Variants in TRAPPC9 observed in about 807,000 individuals in gnomAD.
TRAPPC9 encodes IKK2 binding protein.
In TRAPPC9, 83 loss-of-function variants were observed where a neutral mutation model predicts 124.0. That is an observed-to-expected ratio of 0.67 (90% CI 0.56 to 0.80). TRAPPC9 has a LOEUF of 0.80. TRAPPC9 is among the 30% of genes least tolerant of loss of function. TRAPPC9 has a pLI of 0.00. For missense variants in TRAPPC9, 1,302 were observed against 1,508.3 expected (o/e 0.86, Z 2.27); for synonymous variants, 638 against 617.5 (o/e 1.03, Z -0.49).
chr8:139,730,467 C>T lies in TRAPPC9; in HGVS notation c.*594G>A, dbSNP rs1817748114. On this transcript the variant is annotated 3_prime_UTR_variant, in exon 23 of 23. Coordinates refer to ENST00000438773, the MANE Select transcript of TRAPPC9 (RefSeq NM_001160372.4). ...ACAGCCCTGGGCTGCCAGCCCAGGC[C>T]TGGACATTTGCCCACCACGGGTGGA... is the stretch of plus-strand genomic sequence containing the variant. 6.5e-6 allele frequency: 1 copy of T among 154,764 alleles called. No homozygotes were observed. The allele number at this position is 154,764 out of a possible 1,614,324, so 9.6% of individuals were successfully genotyped here.
At chr8:140,310,064 A>T (rs909112725) in intron 10 of TRAPPC9, among the ~76,000 whole-genome samples, 1 of 152,216 alleles carries the variant, frequency 6.6e-6, no homozygotes, top group Non-Finnish European at 1.5e-5. Flanking sequence ...AAAAGAAACC[A>T]TTTCATTTGG....
chr8:139,901,833 G>A (rs1194513052), intron 20 of TRAPPC9, among the ~76,000 whole-genome samples: 1 of 152,224 alleles, frequency 6.6e-6, no homozygotes, highest in Admixed American at 6.5e-5. Flanking sequence ...TACAGCAAGC[G>A]AGGTGACCTC....
chr8:139,777,310 T>C (rs760855960), intron 21 of TRAPPC9, among the ~76,000 whole-genome samples: 1 of 152,220 alleles, frequency 6.6e-6, no homozygotes, highest in Non-Finnish European at 1.5e-5. Context: ...GAATGAAGGA[T>C]AGAGAGCTTC....
At chr8:140,380,900 G>C (rs571215837) in intron 7 of TRAPPC9, among the ~76,000 whole-genome samples, 1 of 152,032 alleles carries the variant, frequency 6.6e-6, no homozygotes, top group African/African-American at 2.4e-5. Flanking sequence ...TGCTGCCAAG[G>C]ACACCATCAA....
intron 7 of TRAPPC9, among the ~76,000 whole-genome samples, chr8:140,396,073 CT>C (rs2069086773): frequency 6.6e-6 from 1 of 151,968 alleles, no homozygotes. Context: ...AATGGGCCCC[CT>C]CCCTTCCTCT....
chr8:139,978,562 C>CA (rs1836647958), intron 19 of TRAPPC9, among the ~76,000 whole-genome samples: 1 of 152,192 alleles, frequency 6.6e-6, no homozygotes, highest in Non-Finnish European at 1.5e-5. Flanking sequence ...GTAGGGATAA[C>CA]AGATGAGAAA....
intron 19 of TRAPPC9, among the ~76,000 whole-genome samples, chr8:139,945,588 T>G (rs1315187340): frequency 1.1e-5 from 1 of 92,220 alleles, no homozygotes; most frequent in African/African-American, 4.3e-5. Context: ...CAAAAAACAG[T>G]CAGTAAAGAC....
At chr8:140,248,867 A>G (rs1162093254) in intron 16 of TRAPPC9, among the ~76,000 whole-genome samples, 1 of 152,256 alleles carries the variant, frequency 6.6e-6, no homozygotes, top group African/African-American at 2.4e-5. Context: ...TGTTTCATTT[A>G]GAAACAATTT....
At chr8:139,763,691 G>A (rs943018198) in intron 21 of TRAPPC9, among the ~76,000 whole-genome samples, 33 of 152,324 alleles carry the variant, frequency 2.2e-4, no homozygotes, top group African/African-American at 7.2e-4. Context: ...CACACACGTC[G>A]ATCATTCAGG....
chr8:140,069,381 A>C (rs371728168), intron 17 of TRAPPC9, among the ~76,000 whole-genome samples: 1 of 152,158 alleles, frequency 6.6e-6, no homozygotes, highest in African/African-American at 2.4e-5. Context: ...GATCCACCTT[A>C]AACGGCGGGG....
intron 21 of TRAPPC9, among the ~76,000 whole-genome samples, chr8:139,832,566 C>A (rs1393722476): frequency 6.6e-6 from 1 of 152,172 alleles, no homozygotes; most frequent in African/African-American, 2.4e-5. Context: ...CTCAGCTTTG[C>A]CACCTTGAAC....
At chr8:140,001,214 ACAC>A (rs1477571835) in intron 18 of TRAPPC9, among the ~76,000 whole-genome samples, 1 of 152,124 alleles carries the variant, frequency 6.6e-6, no homozygotes, top group African/African-American at 2.4e-5. Flanking sequence ...GGAGAACATC[ACAC>A]ACCAGGGCCT....
chr8:140,036,335 G>A (rs1458668265), intron 17 of TRAPPC9, among the ~76,000 whole-genome samples: 1 of 152,176 alleles, frequency 6.6e-6, no homozygotes, highest in Non-Finnish European at 1.5e-5. Flanking sequence ...AAGACTGATG[G>A]GGACGTGTTC....
chr8:140,426,121 T>C (rs1020638714), intron 5 of TRAPPC9, among the ~76,000 whole-genome samples: 1 of 152,224 alleles, frequency 6.6e-6, no homozygotes, highest in African/African-American at 2.4e-5. Context: ...AATTAAGCAC[T>C]GTAATAAAAG....
At chr8:140,309,078 G>T (rs73714858) in intron 10 of TRAPPC9, among the ~76,000 whole-genome samples, 1 of 152,062 alleles carries the variant, frequency 6.6e-6, no homozygotes. Context: ...TTGCCCAAAC[G>T]GTAGACTGTT....
chr8:139,735,804 G>A (rs1818124642), intron 21 of TRAPPC9, among the ~76,000 whole-genome samples: 1 of 152,116 alleles, frequency 6.6e-6, no homozygotes, highest in East Asian at 1.9e-4. Flanking sequence ...ACAACCCCTT[G>A]GGAAGAGAAA....
rs57202244 is a variant in TRAPPC9 at position 139,785,537 on chromosome 8, A to AACACACACAC, written c.3056-53345_3056-53336dup. ...ACATGGTGAAACCTCATCTCTACTA[A>AACACACACAC]ACACACACACACACACACACACACA... On this transcript the variant is annotated intron_variant, in intron 21 of 22. Transcript: ENST00000438773. 7.3e-3 allele frequency among the ~76,000 whole-genome samples: 1,011 copies of AACACACACAC among 138,288 alleles called. 5 individuals carry two copies. The highest frequency in any genetic ancestry group is 0.012 in the Non-Finnish European group (738 of 63,154). The allele number at this position is 138,288 out of a possible 152,430, so 90.7% of individuals were successfully genotyped here.
intron 21 of TRAPPC9, among the ~76,000 whole-genome samples, chr8:139,793,429 T>C (rs1183559523): frequency 6.6e-6 from 1 of 152,130 alleles, no homozygotes; most frequent in Non-Finnish European, 1.5e-5. Context: ...CCCAGCAGCA[T>C]TTCTTCAAGG....
intron 21 of TRAPPC9, among the ~76,000 whole-genome samples, chr8:139,848,050 A>G (rs920635327): frequency 6.6e-6 from 1 of 152,228 alleles, no homozygotes; most frequent in Admixed American, 6.5e-5. Context: ...CAGGAGCTCC[A>G]TAGCCTCTTT....
Sources: allele counts gnomAD v4.1 joint callset (sites outside exome capture counted in the v4.1 genomes callset), GRCh38; gene constraint gnomAD v4.1.1; transcripts MANE v1.5; gene names NCBI Gene and HGNC (gene_info 2026-07-23, HGNC 2026-07-21).